Variants in TUSC3 observed in about 807,000 individuals in gnomAD.
TUSC3 encodes the protein tumor suppressor candidate 3.
TUSC3 carries 45 observed loss-of-function variants against 44.8 expected under a neutral mutation model. The observed-to-expected ratio is 1.00, with a 90% CI of 0.79 to 1.29. The LOEUF (loss-of-function observed/expected upper bound fraction) is 1.29, where lower values mean the gene tolerates loss of function less well. Among genes scored for constraint, TUSC3 ranks in the 50% most tolerant of loss-of-function variants. The pLI, the probability that TUSC3 is intolerant of heterozygous loss-of-function variation, is 0.00. For missense variants in TUSC3, 519 were observed against 437.9 expected, an observed-to-expected ratio of 1.19 and a Z score of -1.65; for synonymous variants, 212 against 152.9, an observed-to-expected ratio of 1.39 and a Z score of -2.85.
chr8:15,568,688 C>T (rs1415586626), intron 1 of TUSC3, among the ~76,000 whole-genome samples: 1 of 151,254 alleles, frequency 6.6e-6, no homozygotes, highest in Admixed American at 6.6e-5. Flanking sequence ...CTGCAACTTC[C>T]ATCTGCCAGG....
chr8:15,469,236 T>C (rs1365715355), intron 1 of TUSC3, among the ~76,000 whole-genome samples: 1 of 152,140 alleles, frequency 6.6e-6, no homozygotes, highest in Non-Finnish European at 1.5e-5. Flanking sequence ...AGTCACTGAC[T>C]AGGAAAAATA....
chr8:15,763,629 T>C (rs62503679), intron 10 of TUSC3, among the ~76,000 whole-genome samples: 32,173 of 151,888 alleles, frequency 0.21, 4,501 homozygotes, highest in Non-Finnish European at 0.31. Flanking sequence ...GTTTCATAAA[T>C]TAAAGCTTTG....
the TUSC3 span, among the ~76,000 whole-genome samples, chr8:15,835,579 G>A: frequency 6.6e-6 from 1 of 151,912 alleles, no homozygotes; most frequent in Non-Finnish European, 1.5e-5. Flanking sequence ...CTCATATCTT[G>A]TTGATAAGTT....
At chr8:15,708,730 G>A (rs1047303817) in intron 6 of TUSC3, among the ~76,000 whole-genome samples, 1 of 151,868 alleles carries the variant, frequency 6.6e-6, no homozygotes, top group African/African-American at 2.4e-5. Flanking sequence ...CATTAGTCTA[G>A]ATACTTTGGA....
chr8:15,656,616 C>T (rs927231853), intron 3 of TUSC3, among the ~76,000 whole-genome samples: 5 of 145,446 alleles, frequency 3.4e-5, no homozygotes, highest in African/African-American at 1.3e-4. Flanking sequence ...CTTTGCCAGG[C>T]CCAAGCCCAC....
intron 6 of TUSC3, among the ~76,000 whole-genome samples, chr8:15,727,741 C>G (rs2129206946): frequency 6.6e-6 from 1 of 152,248 alleles, no homozygotes; most frequent in South Asian, 2.1e-4. Context: ...GGCCTTTTGG[C>G]TAAGATCAAG....
chr8:15,721,050 G>A (rs1172766509), intron 6 of TUSC3, among the ~76,000 whole-genome samples: 5 of 152,036 alleles, frequency 3.3e-5, no homozygotes, highest in African/African-American at 1.2e-4. Context: ...ACTATGCTTC[G>A]AAGAAGACAA....
At chr8:15,790,179 CTTTTTTTTTTTTT>C in the TUSC3 span, among the ~76,000 whole-genome samples, 5 of 72,232 alleles carry the variant, frequency 6.9e-5, 1 homozygote, top group South Asian at 6.3e-4. Context: ...TTGTTAAGGC[CTTTTTTTTTTTTT>C]TTTTTTTTTT....
upstream of TUSC3, among the ~76,000 whole-genome samples, chr8:15,536,768 A>G (rs1449535617): frequency 7.3e-6 from 1 of 137,636 alleles, no homozygotes; most frequent in Non-Finnish European, 1.5e-5. Context: ...TTATGCCTGT[A>G]TGGGAGGTTG....
At chr8:15,829,463 T>C in the TUSC3 span, among the ~76,000 whole-genome samples, 2 of 152,180 alleles carry the variant, frequency 1.3e-5, no homozygotes, top group African/African-American at 4.8e-5. Context: ...TAAGGGTTAA[T>C]TTATCTCAGA....
intron 6 of TUSC3, among the ~76,000 whole-genome samples, chr8:15,710,301 T>C (rs1173932483): frequency 6.6e-6 from 1 of 151,892 alleles, no homozygotes; most frequent in East Asian, 1.9e-4. Flanking sequence ...AGATAATATA[T>C]AGTTATTTAA....
the TUSC3 span, among the ~76,000 whole-genome samples, chr8:15,774,531 A>G: frequency 6.6e-6 from 1 of 152,172 alleles, no homozygotes; most frequent in Non-Finnish European, 1.5e-5. Context: ...AAGGTCTCAC[A>G]AGTAGCATGA....
At chr8:15,810,432 G>A in the TUSC3 span, among the ~76,000 whole-genome samples, 45 of 152,258 alleles carry the variant, frequency 3.0e-4, no homozygotes, top group African/African-American at 1.1e-3. Flanking sequence ...GAGCCCAGGA[G>A]TTTGAGAGCA....
At chr8:15,754,002 T>A (rs1475512170) in intron 9 of TUSC3, among the ~76,000 whole-genome samples, 1 of 152,050 alleles carries the variant, frequency 6.6e-6, no homozygotes, top group Non-Finnish European at 1.5e-5. Context: ...CATCGAATTA[T>A]CCTGTGGTGA....
chr8:15,718,448 G>C (rs531095240), intron 6 of TUSC3, among the ~76,000 whole-genome samples: 86 of 152,220 alleles, frequency 5.6e-4, no homozygotes, highest in African/African-American at 2.0e-3. Flanking sequence ...TTTGATTTTA[G>C]AGTGTTAGGA....
At chr8:15,622,807 C>CT (rs1178336089) in intron 1 of TUSC3, among the ~76,000 whole-genome samples, 1 of 142,218 alleles carries the variant, frequency 7.0e-6, no homozygotes, top group Non-Finnish European at 1.6e-5. Flanking sequence ...TTTCTTGAGC[C>CT]TTCTTTTTTT....
At chr8:15,508,618 T>C (rs978394453) in intron 2 of TUSC3, among the ~76,000 whole-genome samples, 1 of 151,888 alleles carries the variant, frequency 6.6e-6, no homozygotes, top group Non-Finnish European at 1.5e-5. Context: ...CCTGCCACCA[T>C]GCCCGGCTAA....
intron 6 of TUSC3, among the ~76,000 whole-genome samples, chr8:15,692,674 C>A (rs13266004): frequency 0.22 from 31,146 of 140,220 alleles, 4,121 homozygotes; most frequent in Non-Finnish European, 0.31. Flanking sequence ...TTTTTTTTTT[C>A]TATTTCCATG....
intron 1 of TUSC3, among the ~76,000 whole-genome samples, chr8:15,541,069 G>C (rs770049760): frequency 6.6e-6 from 1 of 152,144 alleles, no homozygotes; most frequent in Non-Finnish European, 1.5e-5. Flanking sequence ...GTGAGAATAA[G>C]CTTGCATTTT....
Sources: allele counts gnomAD v4.1 joint callset (sites outside exome capture counted in the v4.1 genomes callset), GRCh38; gene constraint gnomAD v4.1.1; transcripts MANE v1.5; gene names NCBI Gene and HGNC (gene_info 2026-07-23, HGNC 2026-07-21).